Variants in HECTD4 observed in about 807,000 individuals in gnomAD.
HECTD4 encodes the protein probable E3 ubiquitin-protein ligase HECTD4.
HECTD4 carries 114 observed loss-of-function variants against 471.5 expected under a neutral mutation model. The ratio of observed to expected loss-of-function variants is 0.24; its 90% CI spans 0.21 to 0.28. HECTD4 has a LOEUF of 0.28. HECTD4 is among the 10% of genes least tolerant of loss of function. The probability of loss-of-function intolerance (pLI) is 1.00; values close to 1 mark genes in which losing one functional copy is unlikely to be tolerated. For missense variants in HECTD4, 3,866 were observed against 5,651.5 expected, an observed-to-expected ratio of 0.68 and a Z score of 10.13; for synonymous variants, 2,012 against 2,256.0, an observed-to-expected ratio of 0.89 and a Z score of 3.07.
At chr12:112,226,921 A>G (rs1024163026) in intron 43 of HECTD4, 163 bp from the exon 44 acceptor site, 1 of 498,880 alleles carries the variant, frequency 2.0e-6, no homozygotes, top group African/African-American at 1.9e-5. Context: ...TGTCTTGGAA[A>G]TATATAAATA....
chr12:112,348,279 C>G (rs976346502), intron 1 of HECTD4, among the ~76,000 whole-genome samples: 1 of 152,066 alleles, frequency 6.6e-6, no homozygotes, highest in Non-Finnish European at 1.5e-5. Flanking sequence ...TTTTTATAAG[C>G]GACCTCTAAA....
intron 7 of HECTD4, among the ~76,000 whole-genome samples, chr12:112,300,756 C>A (rs2035146183): frequency 6.6e-6 from 1 of 151,982 alleles, no homozygotes; most frequent in African/African-American, 2.4e-5. Flanking sequence ...TGCCATCATG[C>A]CTGCATAATC....
At chr12:112,309,963 A>C (rs2035342019) in intron 4 of HECTD4, among the ~76,000 whole-genome samples, 1 of 152,178 alleles carries the variant, frequency 6.6e-6, no homozygotes, top group Non-Finnish European at 1.5e-5. Context: ...GTACTTAGTC[A>C]AGTCATTCCT....
chr12:112,302,701 T>G, intron 7 of HECTD4: 1 of 454,288 alleles, frequency 2.2e-6, no homozygotes, highest in Non-Finnish European at 3.9e-6. Context: ...TAGCTGTTTT[T>G]TAACTTTTTC....
chr12:112,219,175 A>G (rs2033018130), intron 45 of HECTD4, among the ~76,000 whole-genome samples: 3 of 152,222 alleles, frequency 2.0e-5, no homozygotes, highest in African/African-American at 7.2e-5. Flanking sequence ...CTCCCCTGCT[A>G]TAATTTTCCA....
intron 17 of HECTD4, among the ~76,000 whole-genome samples, chr12:112,263,275 T>A (rs1201162451): frequency 6.6e-6 from 1 of 152,238 alleles, no homozygotes; most frequent in Non-Finnish European, 1.5e-5. Flanking sequence ...ATAGTATATA[T>A]GCATAAAGGA....
intron 7 of HECTD4, among the ~76,000 whole-genome samples, chr12:112,284,144 C>T (rs1284085675): frequency 1.3e-5 from 2 of 152,064 alleles, no homozygotes; most frequent in Non-Finnish European, 2.9e-5. Context: ...GAAGATGAAC[C>T]CTTCCACTTC....
chr12:112,221,932 T>TTC (rs2033109498), intron 44 of HECTD4, among the ~76,000 whole-genome samples: 1 of 151,054 alleles, frequency 6.6e-6, no homozygotes, highest in Non-Finnish European at 1.5e-5. Flanking sequence ...TTTTTCTTTT[T>TTC]TTTTTTTTTG....
rs755087406 is a variant in HECTD4 at position 112,237,034 on chromosome 12, A to G, written c.5355T>C (p.His1785=). The change falls in exon 35 of 76, where the codon CAT becomes CAC. Residue 1785 remains histidine, a synonymous_variant. Transcript: ENST00000682272. ...ARQVSSLLTN[H]LARATECCGN... ...CACAGCACTCTGTGGCTCGGGCAAG[A>G]TGGTTAGTGAGAAGGCTGGACACCT... The G allele has an allele frequency of 6.2e-7, 1 of 1,608,208 alleles. No homozygotes were observed. Among genetic ancestry groups the G allele is most frequent in the Admixed American group, 1.7e-5 (1 of 59,214 alleles).
chr12:112,175,873 T>TTCA lies in HECTD4; in HGVS notation c.11471-17_11471-15dup, dbSNP rs1242516382. ...TTTCCTCAGGGACTGGTGGAAAGGGTTCAGTGTGAGGAATCTGGTGAGACC... is the reference window on the plus strand; with the variant it reads ...TTTCCTCAGGGACTGGTGGAAAGGGTTCATCAGTGTGAGGAATCTGGTGAGACC... On this transcript the variant is annotated splice_polypyrimidine_tract_variant and intron_variant, in intron 65 of 75. Coordinates refer to ENST00000682272, the MANE Select transcript of HECTD4 (RefSeq NM_001388303.1). 3 of 1,612,754 alleles carry TTCA rather than the reference T, an allele frequency of 1.9e-6. No homozygotes were observed. In the South Asian group the frequency reaches 3.3e-5, roughly 18 times the overall value.
intron 62 of HECTD4, among the ~76,000 whole-genome samples, chr12:112,181,869 A>C (rs1220179301): frequency 6.6e-6 from 1 of 152,138 alleles, no homozygotes; most frequent in Non-Finnish European, 1.5e-5. Context: ...AGGCGGGCAA[A>C]TCACCTGAGG....
At chr12:112,287,981 C>T (rs1447887601) in intron 7 of HECTD4, among the ~76,000 whole-genome samples, 2 of 151,864 alleles carry the variant, frequency 1.3e-5, no homozygotes, top group Non-Finnish European at 2.9e-5. Context: ...TTGTATAGTC[C>T]CCGTCCAAGT....
intron 1 of HECTD4, among the ~76,000 whole-genome samples, chr12:112,367,304 A>C (rs1270329064): frequency 2.4e-5 from 3 of 127,284 alleles, no homozygotes; most frequent in Non-Finnish European, 3.2e-5. Flanking sequence ...GTCTCAAAAA[A>C]AAAAAGAAAG....
chr12:112,314,383 A>G, intron 3 of HECTD4, 74 bp downstream of exon 3: 1 of 719,178 alleles, frequency 1.4e-6, no homozygotes, highest in South Asian at 1.6e-5. Context: ...TTAGCAATCT[A>G]CTTAATAAAG....
intron 11 of HECTD4, among the ~76,000 whole-genome samples, chr12:112,272,409 C>G (rs905674497): frequency 6.6e-6 from 1 of 152,158 alleles, no homozygotes; most frequent in African/African-American, 2.4e-5. Flanking sequence ...GGGTTCACCC[C>G]TATCTGTATT....
chr12:112,236,585 T>G (rs149940661), intron 35 of HECTD4, among the ~76,000 whole-genome samples: 3 of 152,298 alleles, frequency 2.0e-5, no homozygotes, highest in Non-Finnish European at 4.4e-5. Context: ...CATGAGAAAG[T>G]GAGTTAATTA....
chr12:112,344,914 G>A (rs975423869), intron 1 of HECTD4, among the ~76,000 whole-genome samples: 6 of 151,510 alleles, frequency 4.0e-5, no homozygotes, highest in Admixed American at 2.0e-4. Context: ...ATGAAACTCC[G>A]TCTCAAAAAA....
chr12:112,363,485 T>TA, intron 1 of HECTD4, among the ~76,000 whole-genome samples: 1 of 152,082 alleles, frequency 6.6e-6, no homozygotes, highest in Non-Finnish European at 1.5e-5. Context: ...ATGTGCAAAA[T>TA]AAATAGAATA....
At position 112,192,644 on chromosome 12, in the gene HECTD4, C is replaced by T. The variant is rs763318490; in HGVS notation, c.9208G>A (p.Ala3070Thr). Residue 3070 changes from alanine (A) to threonine (T), a missense_variant, in exon 59 of 76, where the codon GCC becomes ACC. Coordinates refer to ENST00000682272, the MANE Select transcript of HECTD4 (RefSeq NM_001388303.1). ...AACYPRDASPANTGLAPPPTA... is the reference protein window; with the variant it reads ...AACYPRDASPTNTGLAPPPTA... ...GGGGGAGGTGCAAGCCCAGTGTTGG[C>T]TGGGGACGCGTCCCGCGGGTAACAG... is the stretch of plus-strand genomic sequence containing the variant. 1.9e-6 allele frequency: 3 copies of T among 1,608,764 alleles called. No individual in the cohort carries two copies. In the East Asian group the frequency reaches 6.7e-5, roughly 36 times the overall value.
Sources: gnomAD v4.1 joint callset for allele counts (sites outside exome capture counted in the v4.1 genomes callset) on GRCh38, gnomAD v4.1.1 for gene constraint, MANE v1.5 for transcripts, NCBI Gene and HGNC (gene_info 2026-07-23, HGNC 2026-07-21) for gene names.